Variants in CELF2 observed in about 807,000 individuals in gnomAD.
CELF2 encodes CUG triplet repeat RNA-binding protein 2.
CELF2 carries 8 observed loss-of-function variants against 62.6 expected under a neutral mutation model. The ratio of observed to expected loss-of-function variants is 0.13; its 90% CI spans 0.07 to 0.23. The LOEUF is 0.23. CELF2 is among the 10% of genes least tolerant of loss of function. The pLI, the probability that CELF2 is intolerant of heterozygous loss-of-function variation, is 1.00. For missense variants in CELF2, 333 were observed against 671.0 expected, an observed-to-expected ratio of 0.50 and a Z score of 5.56; for synonymous variants, 258 against 250.0, an observed-to-expected ratio of 1.03 and a Z score of -0.30.
intron 1 of CELF2, among the ~76,000 whole-genome samples, chr10:10,901,755 A>G (rs1331141799): frequency 1.3e-5 from 2 of 152,236 alleles, no homozygotes; most frequent in East Asian, 3.8e-4. Flanking sequence ...ATTACATTAT[A>G]TATCCGATGA....
At chr10:11,009,284 C>T (rs1444724685) in intron 1 of CELF2, among the ~76,000 whole-genome samples, 1 of 151,802 alleles carries the variant, frequency 6.6e-6, no homozygotes, top group Non-Finnish European at 1.5e-5. Context: ...GATTAAATGG[C>T]ATCAATTCAC....
chr10:10,574,872 GTTTTTTTTTTTTTT>G, the CELF2 span, among the ~76,000 whole-genome samples: 9 of 106,006 alleles, frequency 8.5e-5, no homozygotes, highest in East Asian at 1.5e-3. Context: ...ACCATGCCTG[GTTTTTTTTTTTTTT>G]TTTTTTTTTT....
chr10:11,240,363 C>G (rs1218395019), intron 3 of CELF2, among the ~76,000 whole-genome samples: 2 of 152,250 alleles, frequency 1.3e-5, no homozygotes, highest in Non-Finnish European at 2.9e-5. Flanking sequence ...TTTGCACTAT[C>G]AGTTTGTGAA....
chr10:11,329,378 T>C lies in CELF2; in HGVS notation c.*325T>C, dbSNP rs562502706. The C allele has an allele frequency of 6.1e-6, 1 of 164,212 alleles. No homozygotes were observed. The highest frequency in any genetic ancestry group is 1.9e-4 in the South Asian group (1 of 5,166). The allele number at this position is 164,212 out of a possible 1,614,324, so 10.2% of individuals were successfully genotyped here. A position where few individuals can be genotyped will look rare whatever the true frequency, so the allele number is the denominator to read the frequency against. On this transcript the variant is annotated 3_prime_UTR_variant, in exon 13 of 13. Transcript: ENST00000633077. This position sits in a 1 kb window ranked among gnomAD's most constrained non-coding sequence, Gnocchi z 5.5. ...TTGCTTTTTTTTAAAGAGAAGCATA[T>C]ACACAAATAAATGGCATCTTGAGAA... is the stretch of plus-strand genomic sequence containing the variant.
At chr10:10,958,826 A>G (rs992944241) in intron 2 of CELF2, among the ~76,000 whole-genome samples, 2 of 152,132 alleles carry the variant, frequency 1.3e-5, no homozygotes, top group African/African-American at 4.8e-5. Flanking sequence ...CCTCGGTAAC[A>G]CAGCGAAGCC....
the CELF2 span, among the ~76,000 whole-genome samples, chr10:10,693,135 TG>T: frequency 1.2e-5 from 1 of 83,580 alleles, no homozygotes; most frequent in Non-Finnish European, 2.4e-5. Context: ...AGTATGATAT[TG>T]GCTGTGGGTT....
Position 11,063,862 on chromosome 10 carries a change from G to A in CELF2, c.74+45699G>A, listed in dbSNP as rs571781942. Among the ~76,000 whole-genome samples, 284 of 152,284 alleles carry A rather than the reference G, an allele frequency of 1.9e-3. 2 individuals are homozygous for A. Among genetic ancestry groups the A allele is most frequent in the African/African-American group, 6.2e-3 (258 of 41,546 alleles). On this transcript the variant is annotated intron_variant, in intron 1 of 12. Transcript: ENST00000633077. ...CCTATTAAGTTGGACTCTCTAAAAG[G>A]TGACAATGAGCATCTTTGGCTTTTG...
At chr10:11,095,242 T>G (rs927799100) in intron 1 of CELF2, among the ~76,000 whole-genome samples, 1 of 152,212 alleles carries the variant, frequency 6.6e-6, no homozygotes, top group Non-Finnish European at 1.5e-5. Flanking sequence ...GAGAGAAGCA[T>G]GCACATGTAA....
Position 11,178,897 on chromosome 10 carries a change from G to A in CELF2, c.271+13215G>A, listed in dbSNP as rs1181350730. ...GACACATACTCCATCACATGTTTGC[G>A]ATGAAAATGCTGTATTTTTAGAACA... On this transcript the variant is annotated intron_variant, in intron 2 of 12. Transcript: ENST00000633077. This position sits in a 1 kb window ranked among gnomAD's most constrained non-coding sequence, Gnocchi z 4.3. 6.6e-6 allele frequency among the ~76,000 whole-genome samples: 1 copy of A among 152,182 alleles called. No homozygotes were observed. Among genetic ancestry groups the A allele is most frequent in the Non-Finnish European group, 1.5e-5 (1 of 68,028 alleles).
intron 1 of CELF2, among the ~76,000 whole-genome samples, chr10:11,062,141 C>G (rs1306289952): frequency 6.6e-6 from 1 of 151,292 alleles, no homozygotes; most frequent in African/African-American, 2.4e-5. Flanking sequence ...TTGAGACCTA[C>G]TGCTCAGGGG....
At chr10:10,729,327 C>A in the CELF2 span, among the ~76,000 whole-genome samples, 1 of 152,072 alleles carries the variant, frequency 6.6e-6, no homozygotes, top group African/African-American at 2.4e-5. Flanking sequence ...AGAAATACAG[C>A]GAATCAAATA....
the CELF2 span, among the ~76,000 whole-genome samples, chr10:10,502,085 C>T: frequency 2.6e-5 from 4 of 151,980 alleles, no homozygotes; most frequent in Non-Finnish European, 5.9e-5. Context: ...AATGTTGAAC[C>T]AGGTTGGCAT....
intron 5 of CELF2, among the ~76,000 whole-genome samples, chr10:11,261,085 A>G (rs1472585781): frequency 6.6e-6 from 1 of 152,212 alleles, no homozygotes; most frequent in Non-Finnish European, 1.5e-5. Flanking sequence ...ACCAGGGTAT[A>G]CCCTCTTCCG....
chr10:10,582,544 C>A, the CELF2 span, among the ~76,000 whole-genome samples: 2 of 152,130 alleles, frequency 1.3e-5, no homozygotes, highest in African/African-American at 2.4e-5. Context: ...TACCAACCAC[C>A]TCTCCCAATC....
At chr10:10,710,019 C>T in the CELF2 span, among the ~76,000 whole-genome samples, 6 of 152,190 alleles carry the variant, frequency 3.9e-5, no homozygotes, top group South Asian at 2.1e-4. Flanking sequence ...TTCTTTCTTT[C>T]CCTGGTGGCT....
chr10:11,250,380 C>T (rs901033384), intron 4 of CELF2, among the ~76,000 whole-genome samples: 5 of 152,220 alleles, frequency 3.3e-5, no homozygotes, highest in Admixed American at 2.0e-4. Context: ...TAGGAGGAGA[C>T]TTTGGTGCTT....
Position 11,300,255 on chromosome 10 carries a change from G to A in CELF2, c.976+11703G>A, listed in dbSNP as rs2093593281. On this transcript the variant is annotated intron_variant, in intron 9 of 12. Coordinates refer to ENST00000633077, the MANE Select transcript of CELF2 (RefSeq NM_001326342.2). The surrounding 1 kb of genome is among the most constrained non-coding windows in gnomAD (Gnocchi z 5.5). ...CCTCACTTCCCCGCCTTCCACATGTGTGCCACCGTACAATAAAGCCTCAGC... is the reference window on the plus strand; with the variant it reads ...CCTCACTTCCCCGCCTTCCACATGTATGCCACCGTACAATAAAGCCTCAGC... 1.3e-5 allele frequency among the ~76,000 whole-genome samples: 2 copies of A among 152,162 alleles called. No homozygotes were observed. The highest frequency in any genetic ancestry group is 4.8e-5 in the African/African-American group (2 of 41,432).
At chr10:11,112,473 C>T (rs956134115) in intron 1 of CELF2, among the ~76,000 whole-genome samples, 2 of 152,224 alleles carry the variant, frequency 1.3e-5, no homozygotes, top group African/African-American at 4.8e-5. Context: ...TGTGTCACCT[C>T]TCATTACACA....
the CELF2 span, among the ~76,000 whole-genome samples, chr10:10,768,178 A>G: frequency 6.6e-6 from 1 of 151,880 alleles, no homozygotes; most frequent in Admixed American, 6.6e-5. Flanking sequence ...AAAAAAAAAA[A>G]AAACCAAAAA....
Sources: allele counts gnomAD v4.1 joint callset (sites outside exome capture counted in the v4.1 genomes callset), GRCh38; gene constraint gnomAD v4.1.1; non-coding constraint Gnocchi (gnomAD v3.1); transcripts MANE v1.5; gene names NCBI Gene and HGNC (gene_info 2026-07-23, HGNC 2026-07-21).